Variants in ZBTB40 observed in about 807,000 individuals in gnomAD.
ZBTB40 encodes the protein zinc finger and BTB domain-containing protein 40.
In ZBTB40, 60 loss-of-function variants were observed where a neutral mutation model predicts 117.5. The observed-to-expected ratio is 0.51, with a 90% CI of 0.41 to 0.63. ZBTB40 has a LOEUF of 0.63. ZBTB40 is among the 30% of genes least tolerant of loss of function. The pLI is 0.00. For synonymous variants in ZBTB40, 525 were observed against 577.1 expected (o/e 0.91, Z 1.29); for missense variants, 1,287 against 1,498.5 (o/e 0.86, Z 2.33).
At chr1:22,444,927 C>G (rs1428533773) in intron 1 of ZBTB40, among the ~76,000 whole-genome samples, 1 of 152,200 alleles carries the variant, frequency 6.6e-6, no homozygotes, top group Non-Finnish European at 1.5e-5. Flanking sequence ...GCCTTGGTCT[C>G]TCACTCTGCC....
At chr1:22,449,887 A>G (rs1640835402), upstream of ZBTB40, among the ~76,000 whole-genome samples, 1 of 152,148 alleles carries the variant, frequency 6.6e-6, no homozygotes, top group South Asian at 2.1e-4. Flanking sequence ...CTGCATTCAC[A>G]TACAGCACAT....
chr1:22,512,903 T>C lies in ZBTB40; in HGVS notation c.2462-21T>C, dbSNP rs773723026. 53 of 1,613,518 alleles carry C rather than the reference T, an allele frequency of 3.3e-5. No homozygotes were observed. The Admixed American group carries it at 8.3e-4, about 25-fold the overall frequency. On this transcript the variant is annotated intron_variant, in intron 11 of 17. Transcript: ENST00000375647. ...GATTAGTAGCATCTCTTCTGGCCTC[T>C]GGTGTGCTTGGCTTCCCTAGGCATG... is the stretch of plus-strand genomic sequence containing the variant.
Position 22,511,851 on chromosome 1 carries a change from A to T in ZBTB40, c.2178A>T (p.Ser726=). 6.2e-7 allele frequency: 1 copy of T among 1,614,198 alleles called. No individual in the cohort carries two copies. Among genetic ancestry groups the T allele is most frequent in the Non-Finnish European group, 8.5e-7 (1 of 1,180,018 alleles). Residue 726 remains serine, a synonymous_variant, in exon 11 of 18, where the codon TCA becomes TCT. Coordinates refer to ENST00000375647, the MANE Select transcript of ZBTB40 (RefSeq NM_014870.4). ...CAGGACAGCAAGAGAAAGAGGCTTC[A>T]GCCTCCCCAGACCCTGCCAAGAAGA... ...SLPGQQEKEA[S]ASPDPAKKSF... is the part of the protein sequence containing the mutation.
intron 1 of ZBTB40, among the ~76,000 whole-genome samples, chr1:22,469,224 AG>A (rs1641339968): frequency 6.6e-6 from 1 of 152,238 alleles, no homozygotes; most frequent in Admixed American, 6.5e-5. Flanking sequence ...ATTTTTATGT[AG>A]TCAAATCTAT....
intron 1 of ZBTB40, among the ~76,000 whole-genome samples, chr1:22,465,779 G>C (rs1029033163): frequency 6.6e-6 from 1 of 152,088 alleles, no homozygotes; most frequent in Admixed American, 6.5e-5. Context: ...GCTGCCCCAT[G>C]GGGGGCAGGG....
chr1:22,452,055 G>C (rs988609307), intron 1 of ZBTB40, 51 bp downstream of exon 1: 1 of 152,296 alleles, frequency 6.6e-6, no homozygotes. Flanking sequence ...TTCCTGCAGC[G>C]GGGGCCCGGG....
intron 10 of ZBTB40, 112 bp downstream of exon 10, chr1:22,511,459 CA>C (rs1464560995): frequency 2.1e-6 from 3 of 1,436,534 alleles, no homozygotes; most frequent in African/African-American, 2.9e-5. Context: ...GTTACGTATT[CA>C]TTTTATATGC....
Position 22,490,196 on chromosome 1 carries a change from T to C in ZBTB40, c.248T>C (p.Leu83Pro). 1.2e-6 allele frequency: 2 copies of C among 1,614,194 alleles called. No homozygotes were observed. Among genetic ancestry groups the C allele is most frequent in the Non-Finnish European group, 1.7e-6 (2 of 1,180,028 alleles). The change falls in exon 2 of 18, where the codon CTA becomes CCA. Residue 83 changes from leucine to proline, a missense_variant. Physicochemically the swap from Leu to Pro is moderately conservative, Grantham distance 98 (BLOSUM62 -3). Coordinates refer to ENST00000375647, the MANE Select transcript of ZBTB40 (RefSeq NM_014870.4). ...TTGGAAATGATGTACACGGGCAAAC[T>C]ACCTGTGGGCAAGCACAACTTCTCC... is the stretch of plus-strand genomic sequence containing the variant. ...LLLEMMYTGK[L>P]PVGKHNFSKI...
chr1:22,454,208 C>T (rs1640952309), intron 1 of ZBTB40, among the ~76,000 whole-genome samples: 1 of 152,292 alleles, frequency 6.6e-6, no homozygotes, highest in South Asian at 2.1e-4. Context: ...CCGCCTCAGC[C>T]TCCCAAAGTG....
At chr1:22,458,104 C>G (rs1401433002) in intron 1 of ZBTB40, among the ~76,000 whole-genome samples, 1 of 152,236 alleles carries the variant, frequency 6.6e-6, no homozygotes, top group Admixed American at 6.5e-5. Context: ...TTCTTCTACC[C>G]TTTCTCTTCC....
At chr1:22,471,876 C>G (rs970836307) in intron 1 of ZBTB40, among the ~76,000 whole-genome samples, 2 of 152,154 alleles carry the variant, frequency 1.3e-5, no homozygotes, top group Non-Finnish European at 1.5e-5. Context: ...GAGCTGCACT[C>G]GAGAGCAGAG....
chr1:22,521,221 C>CT (rs919648804), intron 14 of ZBTB40, among the ~76,000 whole-genome samples: 6 of 152,196 alleles, frequency 3.9e-5, no homozygotes, highest in Admixed American at 2.0e-4. Flanking sequence ...TAGGAAGACT[C>CT]TAACACCTCC....
At chr1:22,496,177 G>A (rs10799757) in intron 3 of ZBTB40, among the ~76,000 whole-genome samples, 55,727 of 152,026 alleles carry the variant, frequency 0.37, 12,133 homozygotes, top group African/African-American at 0.57. Context: ...TTTTTATTTA[G>A]CTGGCATCAC....
chr1:22,457,435 C>G (rs529570123), intron 1 of ZBTB40, among the ~76,000 whole-genome samples: 16 of 152,278 alleles, frequency 1.1e-4, no homozygotes, highest in African/African-American at 3.4e-4. Flanking sequence ...CTCCTATAGG[C>G]CAGAGTTTGG....
At chr1:22,507,929 G>A in intron 6 of ZBTB40, 72 bp from the exon 7 acceptor site, 1 of 1,609,150 alleles carries the variant, frequency 6.2e-7, no homozygotes, top group African/African-American at 1.3e-5. Flanking sequence ...CTCTCTCATT[G>A]GTAATATCCT....
intron 3 of ZBTB40, among the ~76,000 whole-genome samples, chr1:22,500,179 C>T (rs10917239): frequency 0.39 from 60,065 of 152,128 alleles, 14,765 homozygotes; most frequent in African/African-American, 0.66. Context: ...TGACCTTCCT[C>T]GCATTTGCGT....
chr1:22,434,143 A>G (rs80126586), intron 1 of ZBTB40, among the ~76,000 whole-genome samples: 1 of 152,216 alleles, frequency 6.6e-6, no homozygotes, highest in Non-Finnish European at 1.5e-5. Context: ...CCTAATGAGT[A>G]GGTGAAGAAA....
intron 13 of ZBTB40, among the ~76,000 whole-genome samples, chr1:22,518,084 G>A (rs1020150425): frequency 7.2e-5 from 11 of 152,180 alleles, no homozygotes; most frequent in South Asian, 2.1e-4. Flanking sequence ...AAGAAATTCC[G>A]TGATTCCTCA....
At chr1:22,439,337 A>C (rs1640706714) in intron 1 of ZBTB40, among the ~76,000 whole-genome samples, 1 of 151,934 alleles carries the variant, frequency 6.6e-6, no homozygotes, top group Non-Finnish European at 1.5e-5. Flanking sequence ...CAAAATTTTT[A>C]ATATTTTGTG....
Sources: gnomAD v4.1 joint callset for allele counts (sites outside exome capture counted in the v4.1 genomes callset) on GRCh38, gnomAD v4.1.1 for gene constraint, MANE v1.5 for transcripts, NCBI Gene and HGNC (gene_info 2026-07-23, HGNC 2026-07-21) for gene names.